WASF3: variants seen among roughly 807,000 people sequenced by gnomAD.
The protein encoded by WASF3 is actin-binding protein WASF3.
A neutral mutation model predicts 46.6 loss-of-function variants in WASF3; 11 were observed. The ratio of observed to expected loss-of-function variants is 0.24; its 90% CI spans 0.15 to 0.39. The LOEUF (loss-of-function observed/expected upper bound fraction) is 0.39, where lower values mean the gene tolerates loss of function less well. Among genes scored for constraint, WASF3 ranks in the 10% least tolerant of loss-of-function variants. The probability of loss-of-function intolerance (pLI) is 1.00; values close to 1 mark genes in which losing one functional copy is unlikely to be tolerated. For missense variants in WASF3, 576 were observed against 669.8 expected (o/e 0.86, Z 1.55); for synonymous variants, 242 against 259.7 (o/e 0.93, Z 0.65).
intron 1 of WASF3, among the ~76,000 whole-genome samples, chr13:26,558,467 G>A (rs1259623146): frequency 3.7e-5 from 4 of 108,518 alleles, no homozygotes; most frequent in Admixed American, 8.8e-5. Context: ...GAGTGCGGGG[G>A]ACCGCGCGCA....
At chr13:26,674,281 GT>G (rs1438273493) in intron 6 of WASF3, among the ~76,000 whole-genome samples, 1 of 152,110 alleles carries the variant, frequency 6.6e-6, no homozygotes, top group Non-Finnish European at 1.5e-5. Flanking sequence ...AAGGGGAATA[GT>G]TATTCATTAT....
intron 7 of WASF3, among the ~76,000 whole-genome samples, chr13:26,678,433 GTTTCTTT>G (rs1301935811): frequency 6.6e-6 from 1 of 151,858 alleles, no homozygotes; most frequent in Non-Finnish European, 1.5e-5. Flanking sequence ...CTATACATGT[GTTTCTTT>G]TTTCTTTTAC....
intron 1 of WASF3, among the ~76,000 whole-genome samples, chr13:26,594,729 G>T (rs71431796): frequency 0.017 from 2,654 of 152,270 alleles, 38 homozygotes; most frequent in Non-Finnish European, 0.029. Flanking sequence ...GGCTCTGTGT[G>T]CTCTGCCTAG....
rs957275718 is a variant in WASF3, at chr13:26,682,955, C to G, written c.1332C>G (p.Leu444=). 5.0e-6 allele frequency: 8 copies of G among 1,605,476 alleles called. No individual in the cohort carries two copies. The African/African-American group carries it at 1.1e-4, about 21-fold the overall frequency. ...CAATCAGTGATGCTCGAAGCGACCT[C>G]CTCGCTGCTATTCGAATGGGTAAGT... ...QPPISDARSD[L]LAAIRMGIQL... is the part of the protein sequence containing the mutation. Residue 444 remains leucine (L), a synonymous_variant, in exon 9 of 10, where the codon CTC becomes CTG. Transcript: ENST00000335327. This position sits in a 1 kb window ranked among gnomAD's most constrained non-coding sequence, Gnocchi z 4.4.
intron 1 of WASF3, among the ~76,000 whole-genome samples, chr13:26,564,900 G>GTTTTTTT (rs66809412): frequency 3.4e-4 from 28 of 81,628 alleles, no homozygotes; most frequent in African/African-American, 5.3e-4. Context: ...CAAGGTTGTG[G>GTTTTTTT]TTTTTTTTTT....
intron 1 of WASF3, among the ~76,000 whole-genome samples, chr13:26,605,002 G>T (rs1880750587): frequency 6.6e-6 from 1 of 152,096 alleles, no homozygotes; most frequent in South Asian, 2.1e-4. Context: ...GAGGCGCCAG[G>T]GTCCTTTGGT....
chr13:26,582,794 C>T (rs1309647600), intron 1 of WASF3, among the ~76,000 whole-genome samples: 1 of 151,090 alleles, frequency 6.6e-6, no homozygotes, highest in Non-Finnish European at 1.5e-5. Context: ...GAAAATTTCC[C>T]AGTAACTGGC....
At chr13:26,667,171 G>A (rs1378605526) in intron 4 of WASF3, among the ~76,000 whole-genome samples, 1 of 152,114 alleles carries the variant, frequency 6.6e-6, no homozygotes, top group East Asian at 1.9e-4. Flanking sequence ...GTTTTCCTTA[G>A]GATATTCAAA....
At chr13:26,603,790 A>G (rs17084376) in intron 1 of WASF3, among the ~76,000 whole-genome samples, 5,531 of 152,302 alleles carry the variant, frequency 0.036, 163 homozygotes, top group Non-Finnish European at 0.05. Context: ...GCTAAGGGTA[A>G]TGCCCTGGTT....
chr13:26,598,673 C>G (rs1880550056), intron 1 of WASF3, among the ~76,000 whole-genome samples: 1 of 152,192 alleles, frequency 6.6e-6, no homozygotes. Flanking sequence ...GCAGTTTTCA[C>G]TCCGAACCCC....
At chr13:26,618,007 C>T (rs755953595) in intron 2 of WASF3, among the ~76,000 whole-genome samples, 1 of 152,152 alleles carries the variant, frequency 6.6e-6, no homozygotes. Flanking sequence ...TCCCCAGCCA[C>T]GTGAAACTGT....
At chr13:26,562,494 G>T (rs1879323913) in intron 1 of WASF3, among the ~76,000 whole-genome samples, 3 of 152,136 alleles carry the variant, frequency 2.0e-5, no homozygotes, top group Admixed American at 2.0e-4. Flanking sequence ...TTTGATGCTG[G>T]TGGTTAGGGG....
intron 2 of WASF3, among the ~76,000 whole-genome samples, chr13:26,617,798 G>C (rs1490848333): frequency 6.7e-6 from 1 of 149,438 alleles, no homozygotes; most frequent in Admixed American, 6.6e-5. Flanking sequence ...CGTGTCAAGG[G>C]AGAGACCAGG....
chr13:26,662,749 A>C (rs1882665686), intron 3 of WASF3, among the ~76,000 whole-genome samples: 1 of 152,238 alleles, frequency 6.6e-6, no homozygotes, highest in Admixed American at 6.5e-5. Flanking sequence ...GCAGTCACTC[A>C]ATATACCCAT....
intron 2 of WASF3, among the ~76,000 whole-genome samples, chr13:26,626,516 G>A (rs1013089755): frequency 1.3e-5 from 2 of 152,174 alleles, no homozygotes; most frequent in Admixed American, 6.5e-5. Context: ...TTGTCAGATG[G>A]AAGGTTTAAA....
At chr13:26,574,384 A>T (rs1879729285) in intron 1 of WASF3, among the ~76,000 whole-genome samples, 1 of 152,074 alleles carries the variant, frequency 6.6e-6, no homozygotes, top group Non-Finnish European at 1.5e-5. Context: ...GTTCATAGAG[A>T]TTAATAATGT....
intron 1 of WASF3, among the ~76,000 whole-genome samples, chr13:26,578,174 C>A (rs902536420): frequency 6.6e-6 from 1 of 152,050 alleles, no homozygotes; most frequent in Non-Finnish European, 1.5e-5. Context: ...TAGAATATTG[C>A]GTAGAAATTA....
chr13:26,564,260 C>T (rs910428619), intron 1 of WASF3, among the ~76,000 whole-genome samples: 15 of 152,200 alleles, frequency 9.9e-5, no homozygotes, highest in African/African-American at 3.6e-4. Flanking sequence ...GCAGGAACCA[C>T]ATAGGGTGGT....
Position 26,682,812 on chromosome 13 carries a change from C to T in WASF3, c.1189C>T (p.Pro397Ser), listed in dbSNP as rs368805302. ...CGGGCTCCTGGTCACAGCCCCGCCA[C>T]CCCCGGGCCCACCACCTCCCCCGCC... ...STGLLVTAPP[P>S]PGPPPPPPGP... Residue 397 changes from proline (P) to serine (S), a missense_variant, in exon 9 of 10, where the codon CCC (proline) becomes TCC (serine). Pro to Ser is a moderately conservative substitution (Grantham distance 74). Transcript: ENST00000335327. This position sits in a 1 kb window ranked among gnomAD's most constrained non-coding sequence, Gnocchi z 4.4. 3.7e-6 allele frequency: 6 copies of T among 1,610,128 alleles called. No homozygotes were observed. The highest frequency in any genetic ancestry group is 4.5e-5 in the East Asian group (2 of 44,864).
Sources: allele counts gnomAD v4.1 joint callset (sites outside exome capture counted in the v4.1 genomes callset), GRCh38; gene constraint gnomAD v4.1.1; non-coding constraint Gnocchi (gnomAD v3.1); transcripts MANE v1.5; gene names NCBI Gene and HGNC (gene_info 2026-07-23, HGNC 2026-07-21).